C19orf38: variants seen among roughly 807,000 people sequenced by gnomAD.
C19orf38 encodes the protein chromosome 19 open reading frame 38.
A neutral mutation model predicts 26.6 loss-of-function variants in C19orf38; 14 were observed. That is an observed-to-expected ratio of 0.53 (90% CI 0.35 to 0.82). The LOEUF is 0.82. Among genes scored for constraint, C19orf38 ranks in the 40% least tolerant of loss-of-function variants. The pLI, the probability that C19orf38 is intolerant of heterozygous loss-of-function variation, is 0.01. For missense variants in C19orf38, 261 were observed against 299.5 expected (o/e 0.87, Z 0.95); for synonymous variants, 132 against 128.5 (o/e 1.03, Z -0.18).
chr19:10,839,605 A>G (rs2073464628), intron 1 of C19orf38, among the ~76,000 whole-genome samples: 1 of 152,012 alleles, frequency 6.6e-6, no homozygotes, highest in African/African-American at 2.4e-5. Context: ...ATGTGTCACC[A>G]TTTGTATTGA....
At chr19:10,858,083 C>T (rs2073649082) in intron 3 of C19orf38, among the ~76,000 whole-genome samples, 2 of 151,204 alleles carry the variant, frequency 1.3e-5, no homozygotes, top group Admixed American at 6.6e-5. Flanking sequence ...ACAAAAATAG[C>T]CTGGCCTGGT....
intron 2 of C19orf38, among the ~76,000 whole-genome samples, chr19:10,851,122 T>C (rs1354791868): frequency 1.3e-5 from 2 of 152,240 alleles, no homozygotes; most frequent in Non-Finnish European, 2.9e-5. Flanking sequence ...TGGCACGATC[T>C]TGGCTCACTG....
At position 10,869,309 on chromosome 19, in the gene C19orf38, C is replaced by A; in HGVS notation, c.635C>A (p.Thr212Asn). The A allele has an allele frequency of 6.4e-7, 1 of 1,551,666 alleles. No individual in the cohort carries two copies. The highest frequency in any genetic ancestry group is 8.7e-7 in the Non-Finnish European group (1 of 1,146,980). ...AACTCCAGGACCCGGAAGAGGCCCA[C>A]TTCCACGTCCTCCTCGCCTGAGACC... is the stretch of plus-strand genomic sequence containing the variant. Reference protein sequence around the residue: ...PSNSRTRKRPTSTSSSPETPE... With the variant: ...PSNSRTRKRPNSTSSSPETPE... The change falls in exon 7 of 7, where the codon ACT becomes AAT. Residue 212 changes from threonine to asparagine, a missense_variant. Physicochemically the swap from Thr to Asn is moderately conservative, Grantham distance 65 (BLOSUM62 0). Transcript: ENST00000397820.
upstream of C19orf38, among the ~76,000 whole-genome samples, chr19:10,844,709 G>A (rs1191604690): frequency 6.6e-6 from 1 of 151,826 alleles, no homozygotes; most frequent in Non-Finnish European, 1.5e-5. Flanking sequence ...TTAGCCGGGC[G>A]TGGTGGCGGT....
intron 1 of C19orf38, among the ~76,000 whole-genome samples, chr19:10,838,869 G>A (rs1447150485): frequency 4.6e-5 from 7 of 151,912 alleles, no homozygotes; most frequent in African/African-American, 1.7e-4. Context: ...TATGCAGCCG[G>A]GGTCTCTACC....
chr19:10,842,407 C>A (rs1167826714), intron 1 of C19orf38, among the ~76,000 whole-genome samples: 1 of 152,018 alleles, frequency 6.6e-6, no homozygotes, highest in Non-Finnish European at 1.5e-5. Flanking sequence ...ACTACAGGTG[C>A]CCGCCACCAT....
chr19:10,865,077 C>A (rs957864969), intron 6 of C19orf38, among the ~76,000 whole-genome samples: 6 of 152,186 alleles, frequency 3.9e-5, no homozygotes, highest in Admixed American at 3.9e-4. Flanking sequence ...CTAAACGTTT[C>A]CATGAGAATC....
At chr19:10,860,790 C>T (rs947300345) in intron 5 of C19orf38, among the ~76,000 whole-genome samples, 20 of 127,042 alleles carry the variant, frequency 1.6e-4, no homozygotes, top group Non-Finnish European at 3.1e-4. Context: ...GCAGTGAGCC[C>T]AGATCGCGCC....
chr19:10,848,134 T>C (rs572087622), upstream of C19orf38, among the ~76,000 whole-genome samples: 1 of 152,180 alleles, frequency 6.6e-6, no homozygotes, highest in Non-Finnish European at 1.5e-5. Flanking sequence ...GAGGCTGCAG[T>C]GAGCCGAGAT....
intron 6 of C19orf38, among the ~76,000 whole-genome samples, chr19:10,865,425 G>A (rs533396099): frequency 1.8e-4 from 27 of 152,226 alleles, no homozygotes; most frequent in Admixed American, 7.8e-4. Flanking sequence ...GGGATTACAG[G>A]CATGAGCCAC....
chr19:10,838,263 A>C (rs1005793429), intron 1 of C19orf38, among the ~76,000 whole-genome samples: 9 of 152,050 alleles, frequency 5.9e-5, no homozygotes, highest in African/African-American at 2.2e-4. Context: ...ACAAAAAATT[A>C]GCCAGGCGTG....
intron 1 of C19orf38, chr19:10,842,281 G>C (rs1243150536): frequency 8.5e-6 from 8 of 943,270 alleles, no homozygotes; most frequent in Non-Finnish European, 1.3e-5. Flanking sequence ...TTTTTTTTGA[G>C]ACGGAGTCTC....
chr19:10,864,627 G>A (rs899991883), intron 6 of C19orf38, among the ~76,000 whole-genome samples: 1 of 152,198 alleles, frequency 6.6e-6, no homozygotes, highest in Non-Finnish European at 1.5e-5. Flanking sequence ...TGGGGAAAGC[G>A]GGGATCAGTG....
At chr19:10,862,761 G>A (rs565021377) in intron 5 of C19orf38, among the ~76,000 whole-genome samples, 7 of 152,138 alleles carry the variant, frequency 4.6e-5, no homozygotes, top group Non-Finnish European at 7.4e-5. Context: ...CCCAGGAGGC[G>A]GAAGTTGCAT....
At chr19:10,864,480 C>T (rs1025553468) in intron 6 of C19orf38, among the ~76,000 whole-genome samples, 7 of 152,048 alleles carry the variant, frequency 4.6e-5, no homozygotes, top group African/African-American at 1.7e-4. Flanking sequence ...AGTGAGGAGT[C>T]GAAGGGGACC....
intron 6 of C19orf38, among the ~76,000 whole-genome samples, chr19:10,868,824 G>T (rs2073776602): frequency 1.3e-5 from 2 of 152,198 alleles, no homozygotes; most frequent in South Asian, 4.1e-4. Context: ...AATATGAATG[G>T]TTGTGTTCAC....
chr19:10,853,355 A>G (rs1217978235), intron 2 of C19orf38, among the ~76,000 whole-genome samples: 2 of 151,114 alleles, frequency 1.3e-5, no homozygotes, highest in African/African-American at 2.4e-5. Context: ...CAGCCTCTCG[A>G]GTCTCACTGC....
intron 4 of C19orf38, among the ~76,000 whole-genome samples, chr19:10,859,256 G>A (rs900796245): frequency 1.5e-5 from 2 of 136,626 alleles, no homozygotes; most frequent in African/African-American, 2.8e-5. Flanking sequence ...GTGTGTGTGT[G>A]TGTGTGTGTG....
At position 10,854,191 on chromosome 19, in the gene C19orf38, T is replaced by G. The variant is rs77364438; in HGVS notation, c.341-2074T>G. ...GATTCTCGTGCCTCAGCCTCCCGAGTAGCTGGGACTACAGGCGCCAACCAC... is the reference window on the plus strand; with the variant it reads ...GATTCTCGTGCCTCAGCCTCCCGAGGAGCTGGGACTACAGGCGCCAACCAC... On this transcript the variant is annotated intron_variant, in intron 2 of 6. Transcript: ENST00000397820. Among the ~76,000 whole-genome samples, 410 of 151,600 alleles carry G rather than the reference T, an allele frequency of 2.7e-3. 5 individuals carry two copies. In the East Asian group the frequency reaches 0.029, roughly 11 times the overall value.
Sources: allele counts gnomAD v4.1 joint callset (sites outside exome capture counted in the v4.1 genomes callset), GRCh38; gene constraint gnomAD v4.1.1; transcripts MANE v1.5; gene names NCBI Gene and HGNC (gene_info 2026-07-23, HGNC 2026-07-21).